Variants in RSPO3 observed in about 807,000 individuals in gnomAD.
RSPO3 encodes the protein R-spondin 3.
A neutral mutation model predicts 36.5 loss-of-function variants in RSPO3; 17 were observed. The ratio of observed to expected loss-of-function variants is 0.47; its 90% CI spans 0.32 to 0.70. The LOEUF (loss-of-function observed/expected upper bound fraction) is 0.70, where lower values mean the gene tolerates loss of function less well. Among genes scored for constraint, RSPO3 ranks in the 30% least tolerant of loss-of-function variants. RSPO3 has a pLI of 0.04. For missense variants in RSPO3, 294 were observed against 322.5 expected (o/e 0.91, Z 0.68); for synonymous variants, 108 against 107.0 (o/e 1.01, Z -0.06).
At chr6:127,171,974 T>C (rs576951605) in intron 4 of RSPO3, among the ~76,000 whole-genome samples, 25 of 151,442 alleles carry the variant, frequency 1.7e-4, no homozygotes, top group African/African-American at 5.6e-4. Flanking sequence ...TAAAAGTTAG[T>C]TAAGACCCAG....
intron 4 of RSPO3, among the ~76,000 whole-genome samples, chr6:127,177,971 A>T (rs1775089984): frequency 6.6e-6 from 1 of 151,698 alleles, no homozygotes; most frequent in Admixed American, 6.6e-5. Flanking sequence ...AGTGGAACAC[A>T]GTCCTTTTTT....
At chr6:127,154,145 C>A (rs2503321) in intron 3 of RSPO3, among the ~76,000 whole-genome samples, 4,273 of 152,216 alleles carry the variant, frequency 0.028, 112 homozygotes, top group Middle Eastern at 0.12. Context: ...AGTTATCTTT[C>A]AGCCTCTGCT....
At chr6:127,127,289 G>A (rs1482015358) in intron 1 of RSPO3, among the ~76,000 whole-genome samples, 1 of 152,072 alleles carries the variant, frequency 6.6e-6, no homozygotes, top group African/African-American at 2.4e-5. Context: ...TCTACAAAGA[G>A]ACTTCAAAGG....
intron 3 of RSPO3, among the ~76,000 whole-genome samples, chr6:127,150,841 T>C (rs1017640598): frequency 2.6e-5 from 4 of 151,598 alleles, no homozygotes; most frequent in Non-Finnish European, 5.9e-5. Flanking sequence ...ATGATAGATT[T>C]ATTTTTATTA....
intron 1 of RSPO3, among the ~76,000 whole-genome samples, chr6:127,131,425 C>A (rs999570735): frequency 1.3e-5 from 2 of 152,078 alleles, no homozygotes; most frequent in Non-Finnish European, 2.9e-5. Context: ...ATCCAAGAAA[C>A]CTTCATGTAA....
chr6:127,135,442 T>A (rs1048079270), intron 1 of RSPO3, among the ~76,000 whole-genome samples: 1 of 145,306 alleles, frequency 6.9e-6, no homozygotes, highest in African/African-American at 2.6e-5. Flanking sequence ...AAAAAAAAAA[T>A]TTACAACTAT....
intron 4 of RSPO3, among the ~76,000 whole-genome samples, chr6:127,171,791 A>G (rs1212250858): frequency 1.3e-5 from 2 of 151,702 alleles, no homozygotes; most frequent in African/African-American, 4.8e-5. Context: ...GGAGCTTGGG[A>G]GAACTACTCT....
At chr6:127,169,692 A>G (rs944888428) in intron 4 of RSPO3, among the ~76,000 whole-genome samples, 1 of 151,896 alleles carries the variant, frequency 6.6e-6, no homozygotes, top group Non-Finnish European at 1.5e-5. Context: ...TGTGAATCCC[A>G]GTGCATTATA....
Position 127,150,499 on chromosome 6 carries a change from C to A in RSPO3, c.363C>A (p.His121Gln). 1 of 1,612,474 alleles carries A rather than the reference C, an allele frequency of 6.2e-7. No individual in the cohort carries two copies. Among genetic ancestry groups the A allele is most frequent in the Non-Finnish European group, 8.5e-7 (1 of 1,179,098 alleles). ...CTKCKSGFYL[H>Q]LGKCLDNCPE... ...AATGTAAAAGTGGATTTTACTTACA[C>A]CTTGGAAAGTGCCTTGACAATTGCC... Residue 121 changes from histidine (H) to glutamine (Q), a missense_variant, in exon 3 of 5, where the codon CAC becomes CAA. Transcript: ENST00000356698.
At chr6:127,154,412 A>G (rs139053278) in intron 3 of RSPO3, among the ~76,000 whole-genome samples, 499 of 152,312 alleles carry the variant, frequency 3.3e-3, no homozygotes, top group Non-Finnish European at 5.7e-3. Flanking sequence ...ACTAATACAG[A>G]AAAAGGAAAC....
chr6:127,134,677 T>C (rs1774118551), intron 1 of RSPO3, among the ~76,000 whole-genome samples: 1 of 152,188 alleles, frequency 6.6e-6, no homozygotes, highest in Non-Finnish European at 1.5e-5. Context: ...GATTCAATTA[T>C]TTTCGGTATG....
At chr6:127,152,762 A>G (rs1052871716) in intron 3 of RSPO3, among the ~76,000 whole-genome samples, 1 of 152,224 alleles carries the variant, frequency 6.6e-6, no homozygotes, top group African/African-American at 2.4e-5. Context: ...TGAAACAGAA[A>G]CATCCACTGA....
At chr6:127,161,395 T>C (rs1269369956) in intron 4 of RSPO3, among the ~76,000 whole-genome samples, 1 of 152,224 alleles carries the variant, frequency 6.6e-6, no homozygotes, top group East Asian at 1.9e-4. Flanking sequence ...TAAGACTTTA[T>C]TTCATGCCTT....
In RSPO3 at chr6:127,119,441, G is replaced by A. The variant is rs574185640; in HGVS notation, c.97+152G>A. 1.1e-5 allele frequency: 7 copies of A among 636,938 alleles called. 1 individual carries two copies. The highest frequency in any genetic ancestry group is 7.3e-5 in the African/African-American group (4 of 55,030). The allele number at this position is 636,938 out of a possible 1,614,324, so 39.5% of individuals were successfully genotyped here. ...AGGTTCGGGCTTTGGGGGTATGGAC[G>A]GCGTCTTTCACCCTTGCCTCTCGGC... On this transcript the variant is annotated intron_variant, in intron 1 of 4. Transcript: ENST00000356698.
intron 4 of RSPO3, among the ~76,000 whole-genome samples, chr6:127,188,301 T>C (rs1775337943): frequency 6.6e-6 from 1 of 152,320 alleles, no homozygotes; most frequent in Middle Eastern, 3.4e-3. Context: ...AGAGAGTTTA[T>C]TATGCTTAAA....
chr6:127,180,971 T>C (rs1228993213), intron 4 of RSPO3, among the ~76,000 whole-genome samples: 1 of 151,848 alleles, frequency 6.6e-6, no homozygotes, highest in East Asian at 1.9e-4. Flanking sequence ...TGATGAGTAA[T>C]ATAGCCAAGT....
chr6:127,150,265 C>T (rs549895744), intron 2 of RSPO3, among the ~76,000 whole-genome samples, 161 bp from the exon 3 acceptor site: 60 of 151,884 alleles, frequency 4.0e-4, no homozygotes, highest in African/African-American at 1.3e-3. Flanking sequence ...TCAACTAAAT[C>T]ACTGTGGAGG....
intron 1 of RSPO3, among the ~76,000 whole-genome samples, chr6:127,127,043 C>A (rs1773951731): frequency 6.6e-6 from 1 of 152,022 alleles, no homozygotes; most frequent in Non-Finnish European, 1.5e-5. Flanking sequence ...AAAAATTGTC[C>A]TTAGAAAACT....
At chr6:127,149,142 T>C (rs1191708630) in intron 2 of RSPO3, among the ~76,000 whole-genome samples, 1 of 152,144 alleles carries the variant, frequency 6.6e-6, no homozygotes, top group Non-Finnish European at 1.5e-5. Flanking sequence ...GTTTCCATTA[T>C]CAACACAAAA....
Sources: gnomAD v4.1 joint callset for allele counts (sites outside exome capture counted in the v4.1 genomes callset) on GRCh38, gnomAD v4.1.1 for gene constraint, MANE v1.5 for transcripts, NCBI Gene and HGNC (gene_info 2026-07-23, HGNC 2026-07-21) for gene names.